GIT2: variants seen among roughly 807,000 people sequenced by gnomAD.
GIT2 encodes the protein GIT ArfGAP 2, also known as ARF GTPase-activating protein GIT2.
Under a neutral mutation model 100.3 loss-of-function variants are expected in GIT2, and 32 were observed. That is an observed-to-expected ratio of 0.32 (90% CI 0.24 to 0.43). The LOEUF is 0.43. Among genes scored for constraint, GIT2 ranks in the 20% least tolerant of loss-of-function variants. The pLI is 1.00. For missense variants in GIT2, 737 were observed against 975.1 expected (o/e 0.76, Z 3.25); for synonymous variants, 353 against 364.1 (o/e 0.97, Z 0.35).
intron 16 of GIT2, among the ~76,000 whole-genome samples, chr12:109,941,074 C>A (rs1236614628): frequency 6.6e-6 from 1 of 152,136 alleles, no homozygotes; most frequent in Non-Finnish European, 1.5e-5. Context: ...CTTCTGCTCC[C>A]AGGGCGCATG....
chr12:109,943,670 T>C lies in GIT2; in HGVS notation c.1731+1590A>G, dbSNP rs532943017. The stretch of plus-strand genomic sequence containing the variant: ...TACAATGTATCAAGAATTCTTTTTT[T>C]TTTTTTTTAGTACAGTAATTCCTTT... On this transcript the variant is annotated intron_variant, in intron 16 of 19. Transcript: ENST00000355312. 1.3e-3 allele frequency among the ~76,000 whole-genome samples: 199 copies of C among 152,006 alleles called. 5 individuals carry two copies. Among genetic ancestry groups the C allele is most frequent in the Admixed American group, 0.01 (158 of 15,264 alleles).
chr12:109,984,323 G>T (rs1483390788), intron 4 of GIT2, among the ~76,000 whole-genome samples: 1 of 152,096 alleles, frequency 6.6e-6, no homozygotes, highest in Non-Finnish European at 1.5e-5. Context: ...GAGGTGGGAA[G>T]ATCACCTGAG....
chr12:109,968,824 C>T (rs1883123798), intron 7 of GIT2, among the ~76,000 whole-genome samples: 1 of 152,034 alleles, frequency 6.6e-6, no homozygotes, highest in Non-Finnish European at 1.5e-5. Context: ...TGGGTTCAAG[C>T]GATTCTCATG....
intron 1 of GIT2, 24 bp downstream of exon 1, chr12:109,996,149 G>T: frequency 1.4e-6 from 2 of 1,467,700 alleles, no homozygotes; most frequent in Non-Finnish European, 1.8e-6. Context: ...GCAGAGGGGA[G>T]CGGGCCCGGC....
chr12:109,976,881 A>T (rs984624769), intron 7 of GIT2, among the ~76,000 whole-genome samples: 10 of 152,246 alleles, frequency 6.6e-5, no homozygotes, highest in East Asian at 5.8e-4. Flanking sequence ...GAGCTACTGC[A>T]CCTGGCTGAC....
chr12:109,969,162 CTTTTT>C (rs71079595), intron 7 of GIT2, among the ~76,000 whole-genome samples: 7 of 89,132 alleles, frequency 7.9e-5, no homozygotes, highest in African/African-American at 1.4e-4. Flanking sequence ...AAAACTTTTC[CTTTTT>C]TTTTTTTTTT....
chr12:109,942,632 C>T (rs1875129605), intron 16 of GIT2, among the ~76,000 whole-genome samples: 1 of 152,156 alleles, frequency 6.6e-6, no homozygotes, highest in Non-Finnish European at 1.5e-5. Context: ...CCATGTCTGG[C>T]CTTTATAATG....
intron 12 of GIT2, 148 bp from the exon 13 acceptor site, chr12:109,953,382 G>T: frequency 1.4e-6 from 1 of 725,360 alleles, no homozygotes; most frequent in Non-Finnish European, 2.3e-6. Context: ...CATTCTAGGA[G>T]GCCAAGGAGG....
At chr12:109,941,906 C>G (rs1014716282) in intron 16 of GIT2, among the ~76,000 whole-genome samples, 5 of 151,838 alleles carry the variant, frequency 3.3e-5, no homozygotes, top group African/African-American at 1.2e-4. Context: ...CTCACTGCAG[C>G]CTCGACCTCC....
At chr12:109,939,403 G>T (rs552458104) in intron 16 of GIT2, 156 bp from the exon 17 acceptor site, 19 of 553,626 alleles carry the variant, frequency 3.4e-5, no homozygotes, top group South Asian at 1.6e-4. Flanking sequence ...AGTAAAAGAT[G>T]AATATTGGAT....
intron 3 of GIT2, 88 bp from the exon 4 acceptor site, chr12:109,989,156 C>A (rs1214937701): frequency 2.5e-6 from 2 of 791,906 alleles, no homozygotes; most frequent in African/African-American, 1.7e-5. Context: ...AGGAAGTGAC[C>A]CACATCCCCC....
intron 11 of GIT2, among the ~76,000 whole-genome samples, chr12:109,960,961 A>G (rs1013066850): frequency 6.6e-6 from 1 of 152,168 alleles, no homozygotes; most frequent in Non-Finnish European, 1.5e-5. Flanking sequence ...ATCCTTTATT[A>G]TATATTTTAT....
chr12:109,943,825 G>A (rs1338840543), intron 16 of GIT2, among the ~76,000 whole-genome samples: 1 of 151,792 alleles, frequency 6.6e-6, no homozygotes, highest in Non-Finnish European at 1.5e-5. Context: ...CCAAGCACCT[G>A]GGACTACAGG....
chr12:109,995,657 C>T (rs775533901), intron 1 of GIT2, among the ~76,000 whole-genome samples: 4 of 152,200 alleles, frequency 2.6e-5, no homozygotes, highest in Non-Finnish European at 4.4e-5. Flanking sequence ...AGACCCCGAT[C>T]TCCTGGCAAT....
In GIT2 at chr12:109,989,738, G is replaced by A. The variant is rs761624188; in HGVS notation, c.251C>T (p.Ala84Val). The A allele has an allele frequency of 2.1e-5, 34 of 1,604,056 alleles. No individual in the cohort carries two copies. The highest frequency in any genetic ancestry group is 2.6e-5 in the Non-Finnish European group (30 of 1,171,108). Residue 84 changes from alanine to valine, a missense_variant, in exon 3 of 20, where the codon GCG becomes GTG. Ala to Val is a moderately conservative substitution (Grantham distance 64, BLOSUM62 0). Around this residue, in one of 3 missense-constraint regions of GIT2, gnomAD observed 266 missense variants for 376.2 expected, o/e 0.71. Transcript: ENST00000355312. The stretch of plus-strand genomic sequence containing the variant: ...TTTACGTCTTCCACTCATAATAGAC[G>A]CAGGGTCCAGCAAAGAATGCTCCCA... Reference protein sequence around the residue: ...SIWEHSLLDPASIMSGRRKAN... With the variant: ...SIWEHSLLDPVSIMSGRRKAN...
Position 109,934,639 on chromosome 12 carries a change from C to T in GIT2, c.2004-554G>A, listed in dbSNP as rs1366550685. On this transcript the variant is annotated intron_variant, in intron 18 of 19. Coordinates refer to ENST00000355312, the MANE Select transcript of GIT2 (RefSeq NM_057169.5). This position sits in a 1 kb window ranked among gnomAD's most constrained non-coding sequence, Gnocchi z 4.5. The stretch of plus-strand genomic sequence containing the variant: ...CAAGTGAATCTCTTGCCTCAGCCTC[C>T]AAAGTGCTGGGGTTACAGGTGTGAG... Among the ~76,000 whole-genome samples, 2 of 152,182 alleles carry T rather than the reference C, an allele frequency of 1.3e-5. No individual in the cohort carries two copies. The highest frequency in any genetic ancestry group is 2.9e-5 in the Non-Finnish European group (2 of 68,024).
chr12:109,964,620 GACACACACACACACACAC>G lies in GIT2; in HGVS notation c.816+888_816+905del, dbSNP rs58007337. 6.9e-3 allele frequency among the ~76,000 whole-genome samples: 824 copies of G among 119,054 alleles called. 3 individuals carry two copies. The highest frequency in any genetic ancestry group is 0.02 in the African/African-American group (640 of 32,540). 78.1% of individuals were successfully genotyped at this position (119,054 alleles called of 152,430 possible). ...TGGCCTCAGAGGGTGTTAATCTAAAGACACACACACACACACACACACACACACACACACACACACACA... is the reference window on the plus strand; with the variant it reads ...TGGCCTCAGAGGGTGTTAATCTAAAGACACACACACACACACACACACACA... On this transcript the variant is annotated intron_variant, in intron 9 of 19. Coordinates refer to ENST00000355312, the MANE Select transcript of GIT2 (RefSeq NM_057169.5).
intron 1 of GIT2, among the ~76,000 whole-genome samples, chr12:109,994,960 G>A (rs1166699228): frequency 6.6e-6 from 1 of 152,076 alleles, no homozygotes; most frequent in Non-Finnish European, 1.5e-5. Context: ...TGCACTGTAC[G>A]GGCCATAAAA....
intron 11 of GIT2, among the ~76,000 whole-genome samples, chr12:109,960,977 T>C (rs577854175): frequency 6.6e-6 from 1 of 152,352 alleles, no homozygotes; most frequent in East Asian, 1.9e-4. Flanking sequence ...TTTATTAATT[T>C]GACTGATAAA....
Sources: gnomAD v4.1 joint callset for allele counts (sites outside exome capture counted in the v4.1 genomes callset) on GRCh38, gnomAD v4.1.1 for gene constraint, gnomAD v4.1.1 regional missense constraint, Gnocchi (gnomAD v3.1) non-coding constraint, MANE v1.5 for transcripts, NCBI Gene and HGNC (gene_info 2026-07-23, HGNC 2026-07-21) for gene names.